Variants in NCAM2 observed in about 807,000 individuals in gnomAD.
The protein encoded by NCAM2 is N-CAM-2.
Under a neutral mutation model 98.1 loss-of-function variants are expected in NCAM2, and 30 were observed. That is an observed-to-expected ratio of 0.31 (90% CI 0.23 to 0.41). The LOEUF (loss-of-function observed/expected upper bound fraction) is 0.41, where lower values mean the gene tolerates loss of function less well. Ranked by LOEUF, NCAM2 falls within the 10% of genes least tolerant of loss-of-function variation. The pLI, the probability that NCAM2 is intolerant of heterozygous loss-of-function variation, is 1.00. For synonymous variants in NCAM2, 368 were observed against 342.4 expected (o/e 1.07, Z -0.83); for missense variants, 867 against 1,005.8 (o/e 0.86, Z 1.87).
At chr21:21,414,572 C>G (rs2076951351) in intron 10 of NCAM2, among the ~76,000 whole-genome samples, 1 of 151,416 alleles carries the variant, frequency 6.6e-6, no homozygotes. Flanking sequence ...CGGGTTCACA[C>G]CATTCTCCTG....
chr21:21,285,479 G>A (rs1452912422), intron 3 of NCAM2, among the ~76,000 whole-genome samples: 1 of 151,784 alleles, frequency 6.6e-6, no homozygotes, highest in Non-Finnish European at 1.5e-5. Context: ...TAACCCCCTA[G>A]AGTATCTATT....
intron 1 of NCAM2, among the ~76,000 whole-genome samples, chr21:21,056,486 A>ATGTGTGTGTGTG (rs1403525434): frequency 1.7e-5 from 1 of 57,508 alleles, no homozygotes; most frequent in African/African-American, 6.4e-5. Context: ...TGACAGAGAT[A>ATGTGTGTGTGTG]TGTCTGTGTG....
At chr21:21,229,343 T>C (rs1356321799) in intron 1 of NCAM2, among the ~76,000 whole-genome samples, 2 of 151,554 alleles carry the variant, frequency 1.3e-5, no homozygotes, top group East Asian at 1.9e-4. Flanking sequence ...ACTTTGTTCA[T>C]GTCAAAATTA....
At chr21:21,499,544 A>G (rs35506229) in intron 15 of NCAM2, among the ~76,000 whole-genome samples, 62,379 of 151,986 alleles carry the variant, frequency 0.41, 14,180 homozygotes, top group Middle Eastern at 0.56. Context: ...CCTGGCCAAT[A>G]ACAATAAATT....
At chr21:21,243,797 AATAG>A (rs1277715695) in intron 1 of NCAM2, among the ~76,000 whole-genome samples, 1 of 152,190 alleles carries the variant, frequency 6.6e-6, no homozygotes, top group Non-Finnish European at 1.5e-5. Flanking sequence ...TGATGGAAAG[AATAG>A]ATAGAGGGTT....
intron 1 of NCAM2, among the ~76,000 whole-genome samples, chr21:21,278,654 A>C (rs2072818282): frequency 6.6e-6 from 1 of 152,150 alleles, no homozygotes; most frequent in Admixed American, 6.5e-5. Flanking sequence ...TAAAAATAGG[A>C]CCCAGGAAAG....
chr21:21,031,633 T>C (rs1196567642), intron 1 of NCAM2, among the ~76,000 whole-genome samples: 1 of 152,234 alleles, frequency 6.6e-6, no homozygotes, highest in East Asian at 1.9e-4. Flanking sequence ...AAAGTATGTC[T>C]CCAATATGCA....
intron 8 of NCAM2, among the ~76,000 whole-genome samples, chr21:21,355,484 G>A (rs201164512): frequency 2.2e-3 from 2 of 912 alleles, no homozygotes; most frequent in African/African-American, 4.9e-3. Flanking sequence ...AAAAAAAAAA[G>A]GAGAGAAAGA....
chr21:21,289,376 T>C (rs1369938875), intron 4 of NCAM2, among the ~76,000 whole-genome samples: 1 of 151,886 alleles, frequency 6.6e-6, no homozygotes, highest in East Asian at 2.0e-4. Flanking sequence ...ACACATTGAG[T>C]CTATGATAAC....
intron 1 of NCAM2, among the ~76,000 whole-genome samples, chr21:21,230,040 C>A (rs1012017616): frequency 6.6e-6 from 1 of 151,228 alleles, no homozygotes; most frequent in African/African-American, 2.4e-5. Flanking sequence ...TTATTATTCT[C>A]ATTTTAACAA....
chr21:21,261,694 T>C (rs181736489), intron 1 of NCAM2, among the ~76,000 whole-genome samples: 178 of 152,198 alleles, frequency 1.2e-3, no homozygotes, highest in Non-Finnish European at 1.5e-3. Flanking sequence ...ACCAAAATTG[T>C]TGGGATACAG....
chr21:21,358,141 C>T (rs1024822025), intron 8 of NCAM2, among the ~76,000 whole-genome samples: 2 of 152,054 alleles, frequency 1.3e-5, no homozygotes, highest in Non-Finnish European at 2.9e-5. Flanking sequence ...TATTTTCATT[C>T]GATGTGATGT....
chr21:21,060,178 A>G (rs909778105), intron 1 of NCAM2, among the ~76,000 whole-genome samples: 1 of 152,120 alleles, frequency 6.6e-6, no homozygotes, highest in Admixed American at 6.6e-5. Flanking sequence ...AATTGGATTT[A>G]TTATGCATAA....
chr21:21,244,416 C>T (rs1321204922), intron 1 of NCAM2, among the ~76,000 whole-genome samples: 2 of 152,220 alleles, frequency 1.3e-5, no homozygotes, highest in African/African-American at 2.4e-5. Context: ...ACCTTGGTGC[C>T]TTTCCTTCTT....
At chr21:21,478,626 CTAA>C (rs1206958373) in intron 15 of NCAM2, among the ~76,000 whole-genome samples, 1 of 151,848 alleles carries the variant, frequency 6.6e-6, no homozygotes, top group Non-Finnish European at 1.5e-5. Flanking sequence ...CTTTATATTG[CTAA>C]TGTTAATAAA....
chr21:21,085,987 C>T (rs2146426413), intron 1 of NCAM2, among the ~76,000 whole-genome samples: 1 of 152,242 alleles, frequency 6.6e-6, no homozygotes, highest in South Asian at 2.1e-4. Flanking sequence ...TCAGATTTAA[C>T]TTAATGTGCT....
chr21:21,106,966 T>A (rs756848863), intron 1 of NCAM2, among the ~76,000 whole-genome samples: 3 of 152,136 alleles, frequency 2.0e-5, no homozygotes, highest in Non-Finnish European at 2.9e-5. Flanking sequence ...GAGGTACTTG[T>A]GATAAGAAAT....
In NCAM2 at chr21:21,125,409, T is replaced by TA. The variant is rs2066773154; in HGVS notation, c.55+126792dup. 1.4e-5 allele frequency among the ~76,000 whole-genome samples: 2 copies of TA among 138,666 alleles called. 1 individual carries two copies. Among genetic ancestry groups the TA allele is most frequent in the Non-Finnish European group, 3.0e-5 (2 of 65,766 alleles). 91.0% of individuals were successfully genotyped at this position (138,666 alleles called of 152,430 possible). On this transcript the variant is annotated intron_variant, in intron 1 of 17. Coordinates refer to ENST00000400546, the MANE Select transcript of NCAM2 (RefSeq NM_004540.5). ...TTTTACATATATATGTAATATATAATATTTTACATATATTCATACATATGT... is the reference window on the plus strand; with the variant it reads ...TTTTACATATATATGTAATATATAATAATTTTACATATATTCATACATATGT...
At chr21:21,302,255 T>C (rs1230739260) in intron 5 of NCAM2, among the ~76,000 whole-genome samples, 1 of 152,102 alleles carries the variant, frequency 6.6e-6, no homozygotes, top group African/African-American at 2.4e-5. Flanking sequence ...TGGGGTCTTT[T>C]ATTTGAATCT....
Sources: gnomAD v4.1 joint callset for allele counts (sites outside exome capture counted in the v4.1 genomes callset) on GRCh38, gnomAD v4.1.1 for gene constraint, MANE v1.5 for transcripts, NCBI Gene and HGNC (gene_info 2026-07-23, HGNC 2026-07-21) for gene names.